IL1RAPL2: variants seen among roughly 807,000 people sequenced by gnomAD.
The protein encoded by IL1RAPL2 is interleukin 1 receptor accessory protein like 2.
Under a neutral mutation model 44.1 loss-of-function variants are expected in IL1RAPL2, and 3 were observed. The ratio of observed to expected loss-of-function variants is 0.07; its 90% CI spans 0.03 to 0.18. The LOEUF (loss-of-function observed/expected upper bound fraction) is 0.18, where lower values mean the gene tolerates loss of function less well. Ranked by LOEUF, IL1RAPL2 falls within the 10% of genes least tolerant of loss-of-function variation. The pLI is 1.00. For synonymous variants in IL1RAPL2, 181 were observed against 178.8 expected, an observed-to-expected ratio of 1.01 and a Z score of -0.10; for missense variants, 391 against 496.4, an observed-to-expected ratio of 0.79 and a Z score of 2.02.
At chrX:105,205,651 G>A (rs1038953636) in intron 3 of IL1RAPL2, among the ~76,000 whole-genome samples, 3 of 91,441 alleles carry the variant, frequency 3.3e-5, no homozygotes, top group Non-Finnish European at 6.4e-5. Context: ...AGTTTGGTTG[G>A]AGTGTGGTGA....
At chrX:105,666,174 C>T (rs1368953163) in intron 6 of IL1RAPL2, among the ~76,000 whole-genome samples, 1 of 109,458 alleles carries the variant, frequency 9.1e-6, no homozygotes, top group Non-Finnish European at 1.9e-5. Context: ...AAAAAACCCA[C>T]ATAGCTTTAT....
rs1020604802 is a variant in IL1RAPL2, at chrX:105,629,454, C to G, written c.773-87913C>G. Among the ~76,000 whole-genome samples the G allele has an allele frequency of 4.7e-4, 53 of 111,824 alleles. 1 individual carries two copies. The highest frequency in any genetic ancestry group is 5.5e-4 in the Non-Finnish European group (29 of 53,134). On this transcript the variant is annotated intron_variant, in intron 6 of 10. Coordinates refer to ENST00000372582, the MANE Select transcript of IL1RAPL2 (RefSeq NM_017416.2). ...TCCAGAAGTTAAAAAGTCCCTTCAT[C>G]TCATTCAGTTTCCACTGCCTATTCC...
intron 2 of IL1RAPL2, among the ~76,000 whole-genome samples, chrX:104,908,918 G>T (rs1457940553): frequency 9.0e-6 from 1 of 110,935 alleles, no homozygotes. Context: ...AAGTTCTCCT[G>T]GATAATATCC....
At chrX:105,141,852 T>C (rs891881398) in intron 2 of IL1RAPL2, among the ~76,000 whole-genome samples, 4 of 112,210 alleles carry the variant, frequency 3.6e-5, no homozygotes, top group African/African-American at 1.3e-4. Flanking sequence ...TGTAGCCTGC[T>C]TAAAAGAATA....
intron 6 of IL1RAPL2, among the ~76,000 whole-genome samples, chrX:105,534,493 T>A (rs1458760777): frequency 1.8e-5 from 2 of 111,093 alleles, no homozygotes; most frequent in Non-Finnish European, 3.8e-5. Context: ...TCAAAATATC[T>A]CATGTACCTC....
chrX:104,616,051 C>T (rs1186685389), intron 1 of IL1RAPL2, among the ~76,000 whole-genome samples: 1 of 99,854 alleles, frequency 1.0e-5, no homozygotes. Context: ...TGTTCAGGTC[C>T]TTTGCCTACT....
intron 2 of IL1RAPL2, among the ~76,000 whole-genome samples, chrX:105,189,014 C>T (rs902983709): frequency 1.8e-5 from 2 of 111,667 alleles, no homozygotes; most frequent in Non-Finnish European, 3.8e-5. Context: ...TTGAGGCAGA[C>T]GGAGTCCACT....
At chrX:105,427,843 G>C (rs1164487051) in intron 5 of IL1RAPL2, among the ~76,000 whole-genome samples, 1 of 111,704 alleles carries the variant, frequency 9.0e-6, no homozygotes, top group Non-Finnish European at 1.9e-5. Context: ...AATGGTGATT[G>C]AGTTTCTGAT....
chrX:105,554,742 G>A (rs180759031), intron 6 of IL1RAPL2, among the ~76,000 whole-genome samples: 3 of 110,857 alleles, frequency 2.7e-5, no homozygotes, highest in East Asian at 5.7e-4. Flanking sequence ...AATCTTTTAA[G>A]GTCTAGATAT....
At position 105,755,272 on chromosome X, in the gene IL1RAPL2, G is replaced by C; in HGVS notation, c.1288G>C (p.Val430Leu). Residue 430 changes from valine (V) to leucine (L), a missense_variant, in exon 10 of 11, where the codon GTA becomes CTA. Val to Leu is a conservative substitution (Grantham distance 32). Around this residue, in one of 2 missense-constraint regions of IL1RAPL2, gnomAD observed 232 missense variants for 244.8 expected, o/e 0.95. Coordinates refer to ENST00000372582, the MANE Select transcript of IL1RAPL2 (RefSeq NM_017416.2). Reference sequence around the variant, plus strand: ...TGAAGAAGAGCAGTTTGCTCTTGAAGTACTGCCAGATGTCCTGGAAAAACA... The same window carrying C: ...TGAAGAAGAGCAGTTTGCTCTTGAACTACTGCCAGATGTCCTGGAAAAACA... ...NPEEEQFALEVLPDVLEKHYG... is the reference protein window; with the variant it reads ...NPEEEQFALELLPDVLEKHYG... 3 of 1,198,656 alleles carry C rather than the reference G, an allele frequency of 2.5e-6. No individual in the cohort carries two copies. The highest frequency in any genetic ancestry group is 3.4e-6 in the Non-Finnish European group (3 of 883,748).
intron 2 of IL1RAPL2, among the ~76,000 whole-genome samples, chrX:104,848,409 G>GTA (rs35503754): frequency 0.028 from 1,791 of 64,455 alleles, 33 homozygotes; most frequent in African/African-American, 0.038. Flanking sequence ...ATTTTTATCT[G>GTA]TATATATATA....
At chrX:104,971,831 G>T (rs1471204154) in intron 2 of IL1RAPL2, among the ~76,000 whole-genome samples, 1 of 111,181 alleles carries the variant, frequency 9.0e-6, no homozygotes, top group East Asian at 2.8e-4. Flanking sequence ...GTCTTAGGGG[G>T]TTATAGGCTA....
At chrX:104,964,956 A>G (rs2030091376) in intron 2 of IL1RAPL2, among the ~76,000 whole-genome samples, 1 of 111,046 alleles carries the variant, frequency 9.0e-6, no homozygotes, top group African/African-American at 3.3e-5. Flanking sequence ...TACAGGTGTG[A>G]GTCATCATGC....
At chrX:104,762,760 C>T (rs1321603785) in intron 2 of IL1RAPL2, among the ~76,000 whole-genome samples, 1 of 111,732 alleles carries the variant, frequency 8.9e-6, no homozygotes, top group Middle Eastern at 4.2e-3. Flanking sequence ...AGACTTGCAC[C>T]CTCTGAAGCA....
intron 1 of IL1RAPL2, among the ~76,000 whole-genome samples, chrX:104,585,401 AAT>A (rs200365558): frequency 0.39 from 13,042 of 33,191 alleles, 2,928 homozygotes; most frequent in African/African-American, 0.61. Flanking sequence ...TATAATATAT[AAT>A]ATATATATAA....
chrX:105,670,105 GTATATATATATA>G (rs1171872748), intron 6 of IL1RAPL2, among the ~76,000 whole-genome samples: 364 of 11,684 alleles, frequency 0.031, 37 homozygotes, highest in African/African-American at 0.058. Flanking sequence ...TGGGTTTCCT[GTATATATATATA>G]TATATATATA....
rs1321510999 is a variant in IL1RAPL2 at position 105,015,786 on chromosome X, TG to T, written c.83-179687del. 2.7e-5 allele frequency among the ~76,000 whole-genome samples: 3 copies of T among 111,868 alleles called. No individual in the cohort carries two copies. In the East Asian group the frequency reaches 8.5e-4, roughly 32 times the overall value. On this transcript the variant is annotated intron_variant, in intron 2 of 10. Coordinates refer to ENST00000372582, the MANE Select transcript of IL1RAPL2 (RefSeq NM_017416.2). ...TTGTTCTTTTTGCTTAGGATTGTCTTGGCTATGCGGGCTCTTTTTGATTCCA... is the reference window on the plus strand; with the variant it reads ...TTGTTCTTTTTGCTTAGGATTGTCTTGCTATGCGGGCTCTTTTTGATTCCA...
chrX:105,003,802 C>T (rs1397539152), intron 2 of IL1RAPL2, among the ~76,000 whole-genome samples: 1 of 111,021 alleles, frequency 9.0e-6, no homozygotes, highest in Non-Finnish European at 1.9e-5. Flanking sequence ...CTCCAGGCCC[C>T]ACACACTCAG....
chrX:104,931,806 C>T (rs1924905581), intron 2 of IL1RAPL2, among the ~76,000 whole-genome samples: 1 of 109,212 alleles, frequency 9.2e-6, no homozygotes, highest in African/African-American at 3.3e-5. Flanking sequence ...TCTAGCAGTC[C>T]TATGCTAAAT....
Sources: gnomAD v4.1 joint callset for allele counts (sites outside exome capture counted in the v4.1 genomes callset) on GRCh38, gnomAD v4.1.1 for gene constraint, gnomAD v4.1.1 regional missense constraint, MANE v1.5 for transcripts, NCBI Gene and HGNC (gene_info 2026-07-23, HGNC 2026-07-21) for gene names.